The following GRAMD4 variants were observed in gnomAD, a reference collection of about 807,000 sequenced individuals.
GRAMD4 encodes the protein GRAM domain containing 4.
In GRAMD4, 25 loss-of-function variants were observed where a neutral mutation model predicts 83.9. The observed-to-expected ratio is 0.30, with a 90% confidence interval of 0.22 to 0.42. The LOEUF (loss-of-function observed/expected upper bound fraction) is 0.42. Ranked by LOEUF, GRAMD4 falls within the 10% of genes least tolerant of loss-of-function variation. GRAMD4 has a pLI of 1.00. For missense variants in GRAMD4, 593 were observed against 788.7 expected (o/e 0.75, Z 2.97); for synonymous variants, 336 against 320.9 (o/e 1.05, Z -0.50).
chr22:46,597,419 C>A (rs577270870), intron 1 of GRAMD4, among the ~76,000 whole-genome samples: 1 of 152,180 alleles, frequency 6.6e-6, no homozygotes, highest in Non-Finnish European at 1.5e-5. Context: ...GTGGTAGTTA[C>A]CTCTCCTTCT....
chr22:46,620,261 G>A, upstream of GRAMD4: 5 of 971,724 alleles, frequency 5.1e-6, no homozygotes, highest in Non-Finnish European at 4.9e-6. This position sits in a 1 kb window ranked among gnomAD's most constrained non-coding sequence, Gnocchi z 4.7. Context: ...GTGTTCCAGG[G>A]CTGGCTGGCC....
rs1287369160 is a variant in GRAMD4, at chr22:46,678,158, C to T, written c.*907C>T. 4.1e-6 allele frequency: 4 copies of T among 985,314 alleles called. No individual in the cohort carries two copies. Among genetic ancestry groups the T allele is most frequent in the Non-Finnish European group, 2.4e-6 (2 of 829,918 alleles). The allele number at this position is 985,314 out of a possible 1,614,324, so 61.0% of individuals were successfully genotyped here. On this transcript the variant is annotated 3_prime_UTR_variant, in exon 19 of 19. Coordinates refer to ENST00000406902, the MANE Select transcript of GRAMD4 (RefSeq NM_015124.5). ...GCACTGTGGCATGTCTGGCACATGG[C>T]CCCCAGGCTGCGGTTGCCTGGGTTG... is the stretch of plus-strand genomic sequence containing the variant.
At chr22:46,627,412 A>C (rs1962278537) in intron 2 of GRAMD4, among the ~76,000 whole-genome samples, 1 of 152,236 alleles carries the variant, frequency 6.6e-6, no homozygotes, top group African/African-American at 2.4e-5. Context: ...ACGCGGAATC[A>C]GGGCTGGGCT....
At chr22:46,648,496 A>G (rs1300171043) in intron 3 of GRAMD4, among the ~76,000 whole-genome samples, 112 of 106,386 alleles carry the variant, frequency 1.1e-3, no homozygotes, top group East Asian at 2.3e-3. Context: ...TGGATGGATG[A>G]ATGGATGGAT....
rs114662565 is a variant in GRAMD4, at chr22:46,636,718, A to G, written c.163-1122A>G. 8.5e-3 allele frequency among the ~76,000 whole-genome samples: 1,295 copies of G among 152,330 alleles called. 20 individuals carry two copies. The highest frequency in any genetic ancestry group is 0.03 in the African/African-American group (1,227 of 41,586). ...CTCACCAGGTCCCTGGCAGGATGCAACGTGGAGGGCGACTGTGTGGCATCC... is the reference window on the plus strand; with the variant it reads ...CTCACCAGGTCCCTGGCAGGATGCAGCGTGGAGGGCGACTGTGTGGCATCC... On this transcript the variant is annotated intron_variant, in intron 2 of 18. Transcript: ENST00000406902.
intron 1 of GRAMD4, among the ~76,000 whole-genome samples, chr22:46,614,406 A>G (rs1463856793): frequency 6.6e-6 from 1 of 152,256 alleles, no homozygotes; most frequent in Non-Finnish European, 1.5e-5. Context: ...TTCATTACGA[A>G]TGGCGTAAAA....
At chr22:46,597,126 G>A (rs899876138) in intron 1 of GRAMD4, among the ~76,000 whole-genome samples, 4 of 152,186 alleles carry the variant, frequency 2.6e-5, no homozygotes, top group African/African-American at 9.6e-5. Flanking sequence ...CTGCAAAGTG[G>A]CTCAGCAGGA....
intron 5 of GRAMD4, among the ~76,000 whole-genome samples, chr22:46,661,670 G>A (rs2082329911): frequency 6.6e-6 from 1 of 152,226 alleles, no homozygotes; most frequent in Admixed American, 6.5e-5. Flanking sequence ...CATCATAGTC[G>A]TCATCACAAA....
intron 3 of GRAMD4, among the ~76,000 whole-genome samples, chr22:46,638,755 G>A (rs539820817): frequency 3.9e-5 from 6 of 152,278 alleles, no homozygotes; most frequent in East Asian, 1.9e-4. Context: ...TTGTTATTAC[G>A]CTCCTGTGTG....
At chr22:46,584,107 T>G (rs1356490605) in intron 1 of GRAMD4, among the ~76,000 whole-genome samples, 1 of 152,188 alleles carries the variant, frequency 6.6e-6, no homozygotes, top group Non-Finnish European at 1.5e-5. Flanking sequence ...GTTCCCTGGA[T>G]GCACCCCTTC....
At chr22:46,636,338 G>C (rs534738449) in intron 2 of GRAMD4, among the ~76,000 whole-genome samples, 9 of 152,296 alleles carry the variant, frequency 5.9e-5, no homozygotes, top group African/African-American at 1.9e-4. Flanking sequence ...CTCCCACAGG[G>C]TCCGTCCAGC....
intron 6 of GRAMD4, 151 bp from the exon 7 acceptor site, chr22:46,663,687 G>A (rs941410420): frequency 2.7e-5 from 20 of 737,460 alleles, no homozygotes; most frequent in Middle Eastern, 3.0e-4. Flanking sequence ...GTGCTGAGCC[G>A]CCGTGCATGG....
intron 1 of GRAMD4, among the ~76,000 whole-genome samples, chr22:46,626,381 C>T (rs1245313382): frequency 6.6e-6 from 1 of 152,240 alleles, no homozygotes; most frequent in African/African-American, 2.4e-5. Flanking sequence ...GCCGCCTCGC[C>T]GAGCCAGGCT....
rs1051365837 is a variant in GRAMD4, at chr22:46,659,669, C to A, written c.404+1362C>A. 1.3e-5 allele frequency among the ~76,000 whole-genome samples: 2 copies of A among 152,022 alleles called. No homozygotes were observed. The highest frequency in any genetic ancestry group is 4.1e-4 in the South Asian group (2 of 4,824). On this transcript the variant is annotated intron_variant, in intron 4 of 18. Transcript: ENST00000406902. The surrounding 1 kb of genome is among the most constrained non-coding windows in gnomAD (Gnocchi z 4.1). Reference sequence around the variant, plus strand: ...GGCTGACTCCCACTTCTTCCTTGCCCGCCTCCTGCAGGTCAGCATGACCTT... The same window carrying A: ...GGCTGACTCCCACTTCTTCCTTGCCAGCCTCCTGCAGGTCAGCATGACCTT...
chr22:46,577,611 G>A (rs2081056307), intron 1 of GRAMD4, among the ~76,000 whole-genome samples: 1 of 151,868 alleles, frequency 6.6e-6, no homozygotes. Flanking sequence ...CCGGACCGGG[G>A]GTCACCGACG....
intron 1 of GRAMD4, among the ~76,000 whole-genome samples, chr22:46,605,748 CTG>C (rs2081358620): frequency 6.6e-6 from 1 of 151,506 alleles, no homozygotes; most frequent in Non-Finnish European, 1.5e-5. Context: ...CTGAGCATCT[CTG>C]CATGGGCCTA....
chr22:46,628,027 G>A (rs992979599), intron 2 of GRAMD4, among the ~76,000 whole-genome samples: 7 of 152,218 alleles, frequency 4.6e-5, no homozygotes, highest in Non-Finnish European at 7.3e-5. Context: ...TGCCTTCGCC[G>A]GAGAGCTGTG....
At chr22:46,664,187 G>C in intron 8 of GRAMD4, 70 bp downstream of exon 8, 1 of 1,118,306 alleles carries the variant, frequency 8.9e-7, no homozygotes, top group Non-Finnish European at 1.4e-6. Context: ...ACATGATCAG[G>C]CACCTTCCCA....
chr22:46,654,239 G>A (rs1164577596), intron 3 of GRAMD4, among the ~76,000 whole-genome samples: 3 of 152,176 alleles, frequency 2.0e-5, no homozygotes, highest in Admixed American at 6.5e-5. Flanking sequence ...GTCAGTGGGC[G>A]TGTGACCCCT....
Sources: allele counts gnomAD v4.1 joint callset (sites outside exome capture counted in the v4.1 genomes callset), GRCh38; gene constraint gnomAD v4.1.1; non-coding constraint Gnocchi (gnomAD v3.1); transcripts MANE v1.5; gene names NCBI Gene and HGNC (gene_info 2026-07-23, HGNC 2026-07-21).